UTP4: variants seen among roughly 807,000 people sequenced by gnomAD.
UTP4 encodes the protein UTP4 small subunit processome component, also known as U3 small nucleolar RNA-associated protein 4 homolog.
In UTP4, 45 loss-of-function variants were observed where a neutral mutation model predicts 82.4. The ratio of observed to expected loss-of-function variants is 0.55; its 90% CI spans 0.43 to 0.70. The LOEUF is 0.70. Ranked by LOEUF, UTP4 falls within the 30% of genes least tolerant of loss-of-function variation. The pLI is 0.00. For missense variants in UTP4, 819 were observed against 858.3 expected (o/e 0.95, Z 0.57); for synonymous variants, 348 against 300.3 (o/e 1.16, Z -1.64).
intron 3 of UTP4, 89 bp from the exon 4 acceptor site, chr16:69,137,712 G>A: frequency 1.3e-6 from 1 of 778,896 alleles, no homozygotes; most frequent in African/African-American, 1.7e-5. Flanking sequence ...AGAATAGAGA[G>A]AGTGTGTGTT....
intron 2 of UTP4, among the ~76,000 whole-genome samples, chr16:69,135,677 C>T (rs1434225055): frequency 1.3e-5 from 2 of 152,112 alleles, no homozygotes; most frequent in East Asian, 1.9e-4. Flanking sequence ...GATCGTGCCA[C>T]TGCACTCCAG....
intron 16 of UTP4, among the ~76,000 whole-genome samples, chr16:69,168,029 G>GCTT (rs1475787156): frequency 6.6e-6 from 1 of 151,666 alleles, no homozygotes; most frequent in African/African-American, 2.4e-5. Flanking sequence ...AAGAACTTAG[G>GCTT]CTTTAAAGTC....
At chr16:69,162,703 C>T (rs1425677332) in intron 13 of UTP4, among the ~76,000 whole-genome samples, 3 of 132,926 alleles carry the variant, frequency 2.3e-5, no homozygotes, top group Non-Finnish European at 4.7e-5. Context: ...AAGAGTGAAA[C>T]TCCATCTCAA....
In UTP4 at chr16:69,150,915, A is replaced by G. The variant is rs1399872721; in HGVS notation, c.1002+11A>G. The G allele has an allele frequency of 3.7e-6, 6 of 1,602,236 alleles. 1 individual carries two copies. The highest frequency in any genetic ancestry group is 3.3e-5 in the Admixed American group (2 of 59,970). On this transcript the variant is annotated intron_variant, in intron 8 of 16. Coordinates refer to ENST00000314423, the MANE Select transcript of UTP4 (RefSeq NM_032830.3). Reference sequence around the variant, plus strand: ...ATCACCTTTCCCCACGTAAGTGTCCATTCCAAGCCCCTGCTAACCCCTCAT... The same window carrying G: ...ATCACCTTTCCCCACGTAAGTGTCCGTTCCAAGCCCCTGCTAACCCCTCAT...
At chr16:69,157,042 T>A in intron 11 of UTP4, 42 bp from the exon 12 acceptor site, 1 of 1,609,072 alleles carries the variant, frequency 6.2e-7, no homozygotes, top group Non-Finnish European at 8.5e-7. Flanking sequence ...GGGCTGTAGG[T>A]CTCCCTTCTC....
intron 16 of UTP4, among the ~76,000 whole-genome samples, chr16:69,168,188 G>A (rs1316291862): frequency 6.6e-6 from 1 of 151,846 alleles, no homozygotes; most frequent in African/African-American, 2.4e-5. Context: ...TGTAATCCCA[G>A]CACTTTGGGA....
At position 69,139,831 on chromosome 16, in the gene UTP4, T is replaced by C. The variant is rs753905789; in HGVS notation, c.443T>C (p.Ile148Thr). ...ERNFDRQKSR[I>T]LSLSWHPSGT... ...TTGTTGTCCAACTCCCAAGGTCGCA[T>C]CCTGAGTCTCAGCTGGCATCCCTCT... The change falls in exon 5 of 17, where the codon ATC (isoleucine) becomes ACC (threonine). Residue 148 changes from isoleucine to threonine, a missense_variant. Physicochemically the swap from Ile to Thr is moderately conservative, Grantham distance 89 (BLOSUM62 -1). Coordinates refer to ENST00000314423, the MANE Select transcript of UTP4 (RefSeq NM_032830.3). 6 of 1,613,186 alleles carry C rather than the reference T, an allele frequency of 3.7e-6. No individual in the cohort carries two copies. Among genetic ancestry groups the C allele is most frequent in the Non-Finnish European group, 4.2e-6 (5 of 1,179,152 alleles).
rs761135182 is a variant in UTP4, at chr16:69,156,006, C to T, written c.1287+13C>T. The T allele has an allele frequency of 3.7e-6, 6 of 1,613,744 alleles. No homozygotes were observed. The highest frequency in any genetic ancestry group is 3.3e-4 in the Middle Eastern group (2 of 6,062). ...AAGCCTCAAAAGGGTAAGTGATAGT[C>T]CAATATCTGGTCACATAAGAGGAAA... On this transcript the variant is annotated intron_variant, in intron 11 of 16. Transcript: ENST00000314423.
chr16:69,135,167 TACTC>T (rs367770948), intron 2 of UTP4, among the ~76,000 whole-genome samples: 247 of 152,312 alleles, frequency 1.6e-3, no homozygotes, highest in Non-Finnish European at 2.7e-3. Context: ...ATGTCAGTGA[TACTC>T]ACATCTGCAT....
Position 69,132,651 on chromosome 16 carries a change from A to G in UTP4, c.-41A>G, listed in dbSNP as rs1030756387. ...GCGCGCGCACGTGGGGCCGGGGCGG[A>G]GAGAGGCGAGCACCGGGAAGGGGAG... On this transcript the variant is annotated 5_prime_UTR_variant, in exon 1 of 17. Transcript: ENST00000314423. The G allele has an allele frequency of 5.5e-6, 2 of 365,050 alleles. No homozygotes were observed. Among genetic ancestry groups the G allele is most frequent in the Non-Finnish European group, 1.1e-5 (2 of 187,532 alleles). The allele number at this position is 365,050 out of a possible 1,614,324, so 22.6% of individuals were successfully genotyped here.
rs570567754 is a variant in UTP4 at position 69,156,562 on chromosome 16, C to T, written c.1288-522C>T. 4.6e-5 allele frequency among the ~76,000 whole-genome samples: 7 copies of T among 151,936 alleles called. No individual in the cohort carries two copies. In the South Asian group the frequency reaches 1.5e-3, roughly 32 times the overall value. ...CAATCTCTGCCTCTCGGGTTCAAGC[C>T]ATTCTCCTGCCTCAGCCTCCCGAGT... On this transcript the variant is annotated intron_variant, in intron 11 of 16. Coordinates refer to ENST00000314423, the MANE Select transcript of UTP4 (RefSeq NM_032830.3).
chr16:69,160,562 T>G, intron 13 of UTP4, 100 bp downstream of exon 13: 1 of 838,010 alleles, frequency 1.2e-6, no homozygotes, highest in Non-Finnish European at 2.0e-6. Flanking sequence ...ACCTGGAAAT[T>G]TATTAGACTT....
intron 8 of UTP4, among the ~76,000 whole-genome samples, chr16:69,151,992 T>A (rs1274335188): frequency 6.6e-6 from 1 of 151,266 alleles, no homozygotes; most frequent in African/African-American, 2.4e-5. Flanking sequence ...TCAGTATCTT[T>A]ATACATATGT....
At chr16:69,150,305 T>G (rs918116952) in intron 6 of UTP4, among the ~76,000 whole-genome samples, 3 of 152,194 alleles carry the variant, frequency 2.0e-5, no homozygotes, top group Non-Finnish European at 4.4e-5. Context: ...ATATGAAGCG[T>G]TGCTGTACTG....
intron 8 of UTP4, among the ~76,000 whole-genome samples, chr16:69,152,012 A>G (rs1485821464): frequency 2.8e-5 from 4 of 145,374 alleles, no homozygotes; most frequent in African/African-American, 7.7e-5. Flanking sequence ...TTATAGATAT[A>G]GATAGATAGA....
chr16:69,141,473 G>A (rs1351626233), intron 5 of UTP4, among the ~76,000 whole-genome samples: 1 of 152,048 alleles, frequency 6.6e-6, no homozygotes, highest in Non-Finnish European at 1.5e-5. Context: ...CTTTGTGTAG[G>A]ACCTGTTTTA....
At chr16:69,155,748 C>T (rs1023347528) in intron 10 of UTP4, 123 bp from the exon 11 acceptor site, 37 of 1,022,508 alleles carry the variant, frequency 3.6e-5, no homozygotes, top group Non-Finnish European at 5.4e-5. Flanking sequence ...ACACGAGGAT[C>T]GAGATTATGT....
chr16:69,137,761 A>G, intron 3 of UTP4, 40 bp from the exon 4 acceptor site: 2 of 1,117,072 alleles, frequency 1.8e-6, no homozygotes, highest in Non-Finnish European at 2.8e-6. Context: ...TAAAATGTTT[A>G]CTATTGATTT....
chr16:69,168,480 G>T (rs904145694), intron 16 of UTP4, among the ~76,000 whole-genome samples: 1 of 147,702 alleles, frequency 6.8e-6, no homozygotes, highest in Non-Finnish European at 1.5e-5. Context: ...TGAGCCAGGC[G>T]CAGCCGTGCA....
Sources: allele counts gnomAD v4.1 joint callset (sites outside exome capture counted in the v4.1 genomes callset), GRCh38; gene constraint gnomAD v4.1.1; transcripts MANE v1.5; gene names NCBI Gene and HGNC (gene_info 2026-07-23, HGNC 2026-07-21).